The following PAFAH1B2 variants were observed in gnomAD, a reference collection of about 807,000 sequenced individuals.
PAFAH1B2 encodes platelet activating factor acetylhydrolase 1b catalytic subunit 2.
PAFAH1B2 carries 8 observed loss-of-function variants against 28.0 expected under a neutral mutation model. That is an observed-to-expected ratio of 0.29 (90% CI 0.17 to 0.52). The LOEUF (loss-of-function observed/expected upper bound fraction) is 0.52, where lower values mean the gene tolerates loss of function less well. PAFAH1B2 is among the 20% of genes least tolerant of loss of function. The pLI, the probability that PAFAH1B2 is intolerant of heterozygous loss-of-function variation, is 0.97. For missense variants in PAFAH1B2, 190 were observed against 282.6 expected (o/e 0.67, Z 2.35); for synonymous variants, 104 against 103.2 (o/e 1.01, Z -0.05).
At chr11:117,175,387 A>G (rs1183522803), downstream of PAFAH1B2, 16 of 1,072,254 alleles carry the variant, frequency 1.5e-5, no homozygotes, top group South Asian at 2.7e-4. Context: ...AGTGCGGGGT[A>G]GGGCAGAGGG....
In PAFAH1B2 at chr11:117,167,425, T is replaced by A; in HGVS notation, c.416T>A (p.Leu139Ter). 5 of 1,580,170 alleles carry A rather than the reference T, an allele frequency of 3.2e-6. No homozygotes were observed. Among genetic ancestry groups the A allele is most frequent in the Non-Finnish European group, 4.3e-6 (5 of 1,155,830 alleles). ...ATGTTTTCCACTGTGCCCCAGGGTT[T>A]GTTACCTCGAGGTGAGAAACCCAAT... ...QPQAKIIVLG[L>*]LPRGEKPNPL... Residue 139 changes from leucine (L) to a stop codon, truncating the protein, a stop_gained, in exon 6 of 6, where the codon TTG becomes TAG. Transcript: ENST00000527958. LOFTEE classifies it high-confidence loss of function.
intron 1 of PAFAH1B2, among the ~76,000 whole-genome samples, chr11:117,145,192 C>T (rs1426387667): frequency 6.6e-6 from 1 of 152,058 alleles, no homozygotes; most frequent in Non-Finnish European, 1.5e-5. Flanking sequence ...ATGTTTTTTT[C>T]CTGGCTCACC....
chr11:117,150,989 G>GA lies in PAFAH1B2; in HGVS notation c.-7-1436dup, dbSNP rs373735449. 2.7e-3 allele frequency among the ~76,000 whole-genome samples: 264 copies of GA among 98,128 alleles called. 1 individual carries two copies. Among genetic ancestry groups the GA allele is most frequent in the Admixed American group, 7.6e-3 (66 of 8,734 alleles). The allele number at this position is 98,128 out of a possible 152,430, so 64.4% of individuals were successfully genotyped here. A position where few individuals can be genotyped will look rare whatever the true frequency, so the allele number is the denominator to read the frequency against. On this transcript the variant is annotated intron_variant, in intron 1 of 5. Coordinates refer to ENST00000527958, the MANE Select transcript of PAFAH1B2 (RefSeq NM_002572.4). ...GGTGACAGAGCAAGACTCCATCTCA[G>GA]AAAAAAAAAAAAAAAAGATGACCTT...
At chr11:117,174,010 A>G (rs1325528082), downstream of PAFAH1B2, among the ~76,000 whole-genome samples, 6 of 152,106 alleles carry the variant, frequency 3.9e-5, no homozygotes, top group Non-Finnish European at 2.9e-5. Context: ...AAGTTATACC[A>G]TTACATGATA....
chr11:117,150,095 C>G (rs1438105900), intron 1 of PAFAH1B2, among the ~76,000 whole-genome samples: 1 of 151,930 alleles, frequency 6.6e-6, no homozygotes, highest in African/African-American at 2.4e-5. Context: ...GAACTTAGAC[C>G]CAAATAAACT....
At chr11:117,155,103 C>T (rs762312403) in intron 2 of PAFAH1B2, among the ~76,000 whole-genome samples, 4 of 152,172 alleles carry the variant, frequency 2.6e-5, no homozygotes, top group Non-Finnish European at 5.9e-5. Flanking sequence ...CAGGCACCCA[C>T]CTCCATGCCC....
At chr11:117,154,733 C>T (rs917962881) in intron 2 of PAFAH1B2, among the ~76,000 whole-genome samples, 32 of 152,096 alleles carry the variant, frequency 2.1e-4, no homozygotes, top group African/African-American at 4.3e-4. Context: ...CATGAGCCAC[C>T]GTGCCTGACT....
chr11:117,150,722 G>C (rs1432791663), intron 1 of PAFAH1B2, among the ~76,000 whole-genome samples: 1 of 152,052 alleles, frequency 6.6e-6, no homozygotes, highest in East Asian at 1.9e-4. Flanking sequence ...TGTATTTGAG[G>C]ATGGCAAGGG....
At chr11:117,172,351 TA>T (rs1355420904), downstream of PAFAH1B2, among the ~76,000 whole-genome samples, 357 of 2,608 alleles carry the variant, frequency 0.14, 14 homozygotes, top group African/African-American at 0.28. Flanking sequence ...TCTAGCTTTA[TA>T]TATATATATA....
exon 6 of PAFAH1B2, chr11:117,176,225 G>A: frequency 2.2e-6 from 1 of 461,876 alleles, no homozygotes; most frequent in Non-Finnish European, 3.8e-6. Context: ...TTTCTAATTG[G>A]TGAACCCTTT....
At chr11:117,144,502 G>C (rs542242121) in intron 1 of PAFAH1B2, 84 bp downstream of exon 1, 6,188 of 182,482 alleles carry the variant, frequency 0.034, 145 homozygotes, top group South Asian at 0.083. Flanking sequence ...TGAGAGGCCC[G>C]CGACCTCCCC....
Position 117,169,311 on chromosome 11 carries a change from A to T in PAFAH1B2, c.*1612A>T. On this transcript the variant is annotated 3_prime_UTR_variant, in exon 6 of 6. Transcript: ENST00000527958. ...AAGAACTGCCATTAAAAAAAATGGGATAATAGATGATTTTATCAGTATACC... is the reference window on the plus strand; with the variant it reads ...AAGAACTGCCATTAAAAAAAATGGGTTAATAGATGATTTTATCAGTATACC... 1 of 1,045,698 alleles carries T rather than the reference A, an allele frequency of 9.6e-7. No homozygotes were observed. Among genetic ancestry groups the T allele is most frequent in the Non-Finnish European group, 1.2e-6 (1 of 866,904 alleles). The allele number at this position is 1,045,698 out of a possible 1,614,324, so 64.8% of individuals were successfully genotyped here.
chr11:117,146,038 G>A (rs1230765451), intron 1 of PAFAH1B2, among the ~76,000 whole-genome samples: 2 of 152,050 alleles, frequency 1.3e-5, no homozygotes, highest in Non-Finnish European at 2.9e-5. Flanking sequence ...GCTTCCCCTG[G>A]AGTACAGTCT....
chr11:117,155,831 C>T (rs1956243795), intron 2 of PAFAH1B2, among the ~76,000 whole-genome samples: 2 of 152,160 alleles, frequency 1.3e-5, no homozygotes, highest in East Asian at 3.9e-4. Flanking sequence ...AGACCAGCCT[C>T]GGCAACATAG....
rs1200630743 is a variant in PAFAH1B2, at chr11:117,170,972, C to T, written c.*3273C>T. ...TTGGAAGTTTGTGATTTTGCTTTGGCAAAGTTTCATTGACTAGTAGAACTC... is the reference window on the plus strand; with the variant it reads ...TTGGAAGTTTGTGATTTTGCTTTGGTAAAGTTTCATTGACTAGTAGAACTC... On this transcript the variant is annotated 3_prime_UTR_variant, in exon 6 of 6. Transcript: ENST00000527958. 3 of 1,051,062 alleles carry T rather than the reference C, an allele frequency of 2.9e-6. No individual in the cohort carries two copies. The highest frequency in any genetic ancestry group is 3.4e-6 in the Non-Finnish European group (3 of 870,392). 65.1% of individuals were successfully genotyped at this position (1,051,062 alleles called of 1,614,324 possible). A position where few individuals can be genotyped will look rare whatever the true frequency, so the allele number is the denominator to read the frequency against.
chr11:117,171,673 C>A, downstream of PAFAH1B2: 2 of 1,531,842 alleles, frequency 1.3e-6, no homozygotes, highest in East Asian at 2.4e-5. Context: ...GAGACTAGAA[C>A]AAGGGTCGGT....
At chr11:117,149,653 C>T (rs1217675676) in intron 1 of PAFAH1B2, among the ~76,000 whole-genome samples, 18 of 146,240 alleles carry the variant, frequency 1.2e-4, no homozygotes, top group East Asian at 1.1e-3. Flanking sequence ...AGGATGGTCT[C>T]GATCTCCTGA....
downstream of PAFAH1B2, chr11:117,174,758 G>A (rs965220488): frequency 1.4e-4 from 72 of 506,236 alleles, no homozygotes; most frequent in Admixed American, 3.0e-4. Context: ...GATTACAGGC[G>A]TGAGCCACTG....
chr11:117,148,761 A>C (rs1209404801), intron 1 of PAFAH1B2, among the ~76,000 whole-genome samples: 1 of 152,180 alleles, frequency 6.6e-6, no homozygotes, highest in African/African-American at 2.4e-5. Context: ...TTCTCTTATA[A>C]TAATAAAGAG....
Sources: gnomAD v4.1 joint callset for allele counts (sites outside exome capture counted in the v4.1 genomes callset) on GRCh38, gnomAD v4.1.1 for gene constraint, MANE v1.5 for transcripts, NCBI Gene and HGNC (gene_info 2026-07-23, HGNC 2026-07-21) for gene names.